PCP4: variants seen among roughly 807,000 people sequenced by gnomAD.
The protein encoded by PCP4 is calmodulin regulator protein PCP4.
In PCP4, 8 loss-of-function variants were observed where a neutral mutation model predicts 10.0. That is an observed-to-expected ratio of 0.80 (90% CI 0.47 to 1.45). The LOEUF (loss-of-function observed/expected upper bound fraction) is 1.45, where lower values mean the gene tolerates loss of function less well. PCP4 is among the 40% of genes most tolerant of loss of function. PCP4 has a pLI of 0.00. For synonymous variants in PCP4, 21 were observed against 23.0 expected (o/e 0.91, Z 0.24); for missense variants, 54 against 74.4 (o/e 0.73, Z 1.01).
intron 2 of PCP4, among the ~76,000 whole-genome samples, chr21:39,920,035 A>G: frequency 3.6e-5 from 3 of 84,246 alleles, no homozygotes; most frequent in African/African-American, 9.1e-5. Flanking sequence ...GGGTGTAGGT[A>G]TGTATGTGTG....
intron 2 of PCP4, among the ~76,000 whole-genome samples, chr21:39,910,191 A>T (rs572610239): frequency 6.6e-6 from 1 of 152,294 alleles, no homozygotes; most frequent in South Asian, 2.1e-4. Flanking sequence ...TGTCAGAGAG[A>T]CACTTTAGTG....
chr21:39,924,050 C>A (rs1203211528), intron 2 of PCP4, among the ~76,000 whole-genome samples: 1 of 152,180 alleles, frequency 6.6e-6, no homozygotes, highest in Non-Finnish European at 1.5e-5. Flanking sequence ...ACACAGCTGA[C>A]CATGATGGCC....
intron 2 of PCP4, among the ~76,000 whole-genome samples, chr21:39,903,634 C>T (rs950244824): frequency 1.2e-4 from 18 of 151,746 alleles, no homozygotes; most frequent in African/African-American, 4.1e-4. Flanking sequence ...TTTGGGAGGC[C>T]GAGGCGGGCG....
intron 1 of PCP4, among the ~76,000 whole-genome samples, chr21:39,874,562 T>C (rs2087335538): frequency 6.6e-6 from 1 of 151,912 alleles, no homozygotes; most frequent in African/African-American, 2.4e-5. Context: ...ACAAGACCCA[T>C]TAACATGTGT....
intron 1 of PCP4, among the ~76,000 whole-genome samples, chr21:39,880,451 G>A (rs77428257): frequency 0.04 from 6,021 of 152,084 alleles, 382 homozygotes; most frequent in African/African-American, 0.14. Flanking sequence ...ACATCTGTGT[G>A]TGCGTGTGTG....
At chr21:39,871,766 A>C (rs773195231) in intron 1 of PCP4, among the ~76,000 whole-genome samples, 4 of 152,204 alleles carry the variant, frequency 2.6e-5, no homozygotes, top group Non-Finnish European at 5.9e-5. Context: ...TTGTTTCCCC[A>C]GTCATGCATT....
chr21:39,904,636 C>T (rs778430111), intron 2 of PCP4, among the ~76,000 whole-genome samples: 97 of 152,310 alleles, frequency 6.4e-4, no homozygotes, highest in Admixed American at 1.4e-3. Context: ...CCTGCCCCTG[C>T]CTGCAGCAGT....
intron 2 of PCP4, among the ~76,000 whole-genome samples, chr21:39,927,284 AT>A (rs1828781474): frequency 1.3e-5 from 1 of 75,012 alleles, no homozygotes; most frequent in Non-Finnish European, 3.3e-5. Flanking sequence ...TCTCTGATCT[AT>A]CTATCTATCT....
chr21:39,921,436 G>A (rs963728571), intron 2 of PCP4, among the ~76,000 whole-genome samples: 2 of 152,152 alleles, frequency 1.3e-5, no homozygotes, highest in African/African-American at 2.4e-5. Flanking sequence ...AAATGACTAC[G>A]TAAGTCCAAA....
At chr21:39,890,119 C>T (rs2087422531) in intron 1 of PCP4, among the ~76,000 whole-genome samples, 1 of 152,174 alleles carries the variant, frequency 6.6e-6, no homozygotes, top group African/African-American at 2.4e-5. Context: ...TAAACACTCT[C>T]AAAACAACCA....
At chr21:39,926,907 G>T (rs1158717326) in intron 2 of PCP4, among the ~76,000 whole-genome samples, 1 of 152,112 alleles carries the variant, frequency 6.6e-6, no homozygotes, top group East Asian at 1.9e-4. Context: ...TATCATTTGG[G>T]CTGTCCTGGG....
At chr21:39,898,422 A>AAAG in intron 1 of PCP4, 54 bp from the exon 2 acceptor site, 1 of 1,394,342 alleles carries the variant, frequency 7.2e-7, no homozygotes, top group Non-Finnish European at 1.0e-6. Context: ...AGACAAAAGT[A>AAAG]ATCCCGAGTA....
chr21:39,927,248 C>T lies in PCP4; in HGVS notation c.62-1736C>T, dbSNP rs147962537. On this transcript the variant is annotated intron_variant, in intron 2 of 2. Transcript: ENST00000328619. Reference sequence around the variant, plus strand: ...TACCTGTCTATCTGTATTTGTCTATCATCTACTTATGTTTGTCTGTCTGTC... The same window carrying T: ...TACCTGTCTATCTGTATTTGTCTATTATCTACTTATGTTTGTCTGTCTGTC... 5.6e-3 allele frequency among the ~76,000 whole-genome samples: 847 copies of T among 152,204 alleles called. 10 individuals are homozygous for T. The highest frequency in any genetic ancestry group is 0.018 in the African/African-American group (761 of 41,508).
intron 2 of PCP4, among the ~76,000 whole-genome samples, chr21:39,927,168 C>T (rs545144814): frequency 1.3e-5 from 2 of 152,278 alleles, no homozygotes; most frequent in East Asian, 1.9e-4. Context: ...TGAGAGGAGG[C>T]TGCTTACAGC....
chr21:39,898,922 G>A (rs75452612), intron 2 of PCP4, among the ~76,000 whole-genome samples: 132 of 152,316 alleles, frequency 8.7e-4, no homozygotes, highest in Non-Finnish European at 1.6e-3. Flanking sequence ...TTTAAAACTT[G>A]CTTCAGCCCT....
intron 1 of PCP4, among the ~76,000 whole-genome samples, chr21:39,873,877 ATTG>A (rs1388828111): frequency 6.6e-6 from 1 of 152,188 alleles, no homozygotes; most frequent in Non-Finnish European, 1.5e-5. Context: ...CTGCTTGTAT[ATTG>A]TTTATGCCTC....
At chr21:39,912,705 A>G (rs1262675835) in intron 2 of PCP4, among the ~76,000 whole-genome samples, 1 of 151,974 alleles carries the variant, frequency 6.6e-6, no homozygotes, top group Non-Finnish European at 1.5e-5. Flanking sequence ...TTTTAATTTA[A>G]TCTATTTTTA....
intron 2 of PCP4, among the ~76,000 whole-genome samples, chr21:39,925,044 A>G (rs2087614368): frequency 6.6e-6 from 1 of 152,164 alleles, no homozygotes; most frequent in South Asian, 2.1e-4. Flanking sequence ...CTGCCCCTGG[A>G]CACCTGTGCC....
intron 1 of PCP4, among the ~76,000 whole-genome samples, chr21:39,897,182 G>T (rs1044975196): frequency 6.6e-6 from 1 of 152,020 alleles, no homozygotes; most frequent in East Asian, 1.9e-4. Context: ...GGGGTCACGA[G>T]TTCGAGACCA....
Sources: allele counts gnomAD v4.1 joint callset (sites outside exome capture counted in the v4.1 genomes callset), GRCh38; gene constraint gnomAD v4.1.1; transcripts MANE v1.5; gene names NCBI Gene and HGNC (gene_info 2026-07-23, HGNC 2026-07-21).